Variants in NELL2 observed in about 807,000 individuals in gnomAD.
NELL2 encodes protein kinase C-binding protein NELL2.
Under a neutral mutation model 109.6 loss-of-function variants are expected in NELL2, and 41 were observed. The ratio of observed to expected loss-of-function variants is 0.37; its 90% CI spans 0.29 to 0.49. The LOEUF is 0.49. NELL2 is among the 20% of genes least tolerant of loss of function. NELL2 has a pLI of 0.98. For synonymous variants in NELL2, 355 were observed against 344.7 expected, an observed-to-expected ratio of 1.03 and a Z score of -0.33; for missense variants, 900 against 1,008.3, an observed-to-expected ratio of 0.89 and a Z score of 1.45.
At chr12:44,837,154 C>G (rs1944078146) in intron 2 of NELL2, among the ~76,000 whole-genome samples, 1 of 152,156 alleles carries the variant, frequency 6.6e-6, no homozygotes, top group African/African-American at 2.4e-5. Context: ...GAGGCACTTT[C>G]CTAAGTGCCT....
At chr12:44,706,367 C>T (rs978828382) in intron 11 of NELL2, among the ~76,000 whole-genome samples, 13 of 152,058 alleles carry the variant, frequency 8.5e-5, no homozygotes, top group African/African-American at 3.1e-4. Context: ...GACTTGATTT[C>T]GAGTGGGTTG....
chr12:44,662,069 T>A (rs1947762899), intron 13 of NELL2, among the ~76,000 whole-genome samples: 1 of 152,122 alleles, frequency 6.6e-6, no homozygotes, highest in Admixed American at 6.5e-5. Context: ...ACACCTTCAA[T>A]GAAAGGAAAA....
chr12:44,820,557 C>G (rs184582029), intron 2 of NELL2, among the ~76,000 whole-genome samples: 2 of 148,652 alleles, frequency 1.3e-5, no homozygotes, highest in South Asian at 2.1e-4. Flanking sequence ...TGCAGTGAGC[C>G]GAGATCGCGC....
intron 3 of NELL2, 126 bp downstream of exon 3, chr12:44,815,860 G>T (rs1359343470): frequency 2.1e-5 from 21 of 1,000,368 alleles, no homozygotes; most frequent in Non-Finnish European, 2.8e-5. Context: ...CTCGTGATTT[G>T]CCCACCTCGG....
At position 44,602,028 on chromosome 12, in the gene NELL2, C is replaced by T. The variant is rs567453393; in HGVS notation, c.1663+5141G>A. On this transcript the variant is annotated intron_variant, in intron 15 of 19. Coordinates refer to ENST00000429094, the MANE Select transcript of NELL2 (RefSeq NM_001145108.2). ...GGATCACCAACATAAAGAGAAGTTACGTCTTAATTATCTAAGCCAATTCAA... is the reference window on the plus strand; with the variant it reads ...GGATCACCAACATAAAGAGAAGTTATGTCTTAATTATCTAAGCCAATTCAA... Among the ~76,000 whole-genome samples, 9 of 152,172 alleles carry T rather than the reference C, an allele frequency of 5.9e-5. No individual in the cohort carries two copies. In the South Asian group the frequency reaches 1.0e-3, roughly 18 times the overall value.
At chr12:44,892,697 C>T (rs1195077218) in intron 1 of NELL2, among the ~76,000 whole-genome samples, 2 of 148,292 alleles carry the variant, frequency 1.3e-5, no homozygotes, top group African/African-American at 5.0e-5. Flanking sequence ...ACTCGGGAGG[C>T]TGAGGCAGGA....
At chr12:44,609,744 G>A (rs1195946767) in intron 14 of NELL2, among the ~76,000 whole-genome samples, 1 of 151,958 alleles carries the variant, frequency 6.6e-6, no homozygotes, top group Non-Finnish European at 1.5e-5. Flanking sequence ...TGGCTACAGT[G>A]TATTTTTGTA....
chr12:44,565,948 G>T (rs1943641518), intron 15 of NELL2, among the ~76,000 whole-genome samples: 2 of 152,110 alleles, frequency 1.3e-5, no homozygotes, highest in African/African-American at 2.4e-5. Context: ...CTGGAAGCAG[G>T]ATAGTGATTG....
chr12:44,874,110 C>G (rs1445523605), intron 2 of NELL2, among the ~76,000 whole-genome samples: 3 of 152,146 alleles, frequency 2.0e-5, no homozygotes, highest in Non-Finnish European at 4.4e-5. Context: ...CTATATCAGG[C>G]AACAACACCA....
At chr12:44,509,936 GA>G (rs1940912792) in intron 19 of NELL2, among the ~76,000 whole-genome samples, 1 of 151,922 alleles carries the variant, frequency 6.6e-6, no homozygotes. Flanking sequence ...GTGTAGTTAA[GA>G]AACTGAAAAA....
intron 13 of NELL2, among the ~76,000 whole-genome samples, chr12:44,645,465 T>C (rs1268661497): frequency 6.6e-6 from 1 of 152,106 alleles, no homozygotes; most frequent in African/African-American, 2.4e-5. Context: ...TGAATATAAG[T>C]TGGGTGTCCA....
chr12:44,706,874 A>C (rs930300365), intron 11 of NELL2, among the ~76,000 whole-genome samples: 5 of 152,204 alleles, frequency 3.3e-5, no homozygotes, highest in Non-Finnish European at 7.3e-5. Flanking sequence ...ACAAAATTAC[A>C]TAAAGTTCTA....
chr12:44,848,348 A>G (rs138293688), intron 2 of NELL2, among the ~76,000 whole-genome samples: 2 of 152,268 alleles, frequency 1.3e-5, no homozygotes, highest in African/African-American at 2.4e-5. Context: ...TATAGCACCA[A>G]TGGGAGCCAA....
intron 19 of NELL2, among the ~76,000 whole-genome samples, chr12:44,510,267 G>C (rs530966114): frequency 6.6e-6 from 1 of 152,050 alleles, no homozygotes; most frequent in African/African-American, 2.4e-5. Context: ...AATTTCAACC[G>C]CACAGCATTC....
At chr12:44,678,039 AG>A (rs1948375245) in intron 12 of NELL2, among the ~76,000 whole-genome samples, 2 of 152,096 alleles carry the variant, frequency 1.3e-5, no homozygotes, top group South Asian at 4.1e-4. Flanking sequence ...CCATGGTGTT[AG>A]ACAGTATCAC....
In NELL2 at chr12:44,617,415, C is replaced by T. The variant is rs375195356; in HGVS notation, c.1445-6445G>A. On this transcript the variant is annotated intron_variant, in intron 13 of 19. Transcript: ENST00000429094. ...ATGAAAAAGCAGTTGTGGCCGGGCG[C>T]GGTGGCTCACGCCTGTAATCCCAGC... 5.7e-4 allele frequency among the ~76,000 whole-genome samples: 60 copies of T among 105,888 alleles called. 3 individuals are homozygous for T. In the East Asian group the frequency reaches 9.6e-3, roughly 17 times the overall value. The allele number at this position is 105,888 out of a possible 152,430, so 69.5% of individuals were successfully genotyped here. A position where few individuals can be genotyped will look rare whatever the true frequency, so the allele number is the denominator to read the frequency against.
chr12:44,663,849 A>T (rs916473279), intron 13 of NELL2, among the ~76,000 whole-genome samples: 13 of 152,194 alleles, frequency 8.5e-5, no homozygotes, highest in Non-Finnish European at 1.8e-4. Flanking sequence ...ATTATGTCCC[A>T]TGTCCTTTCA....
chr12:44,875,630 G>A, intron 1 of NELL2, 185 bp downstream of exon 1: 2 of 1,604,514 alleles, frequency 1.2e-6, no homozygotes, highest in Non-Finnish European at 1.7e-6. Context: ...GGCGTGATCC[G>A]CCTCGCGGTC....
intron 13 of NELL2, among the ~76,000 whole-genome samples, chr12:44,625,630 A>G (rs989887266): frequency 1.4e-4 from 21 of 151,894 alleles, no homozygotes; most frequent in Admixed American, 3.9e-4. Flanking sequence ...TCAAGAGGAG[A>G]AAAAAAATCC....
Sources: gnomAD v4.1 joint callset for allele counts (sites outside exome capture counted in the v4.1 genomes callset) on GRCh38, gnomAD v4.1.1 for gene constraint, MANE v1.5 for transcripts, NCBI Gene and HGNC (gene_info 2026-07-23, HGNC 2026-07-21) for gene names.